CLCN3: variants seen among roughly 807,000 people sequenced by gnomAD.
CLCN3 encodes Cl-/H+ antiporter 3.
Under a neutral mutation model 83.4 loss-of-function variants are expected in CLCN3, and 16 were observed. The observed-to-expected ratio is 0.19, with a 90% CI of 0.13 to 0.29. CLCN3 has a LOEUF of 0.29. CLCN3 is among the 10% of genes least tolerant of loss of function. The probability of loss-of-function intolerance (pLI) is 1.00; values close to 1 mark genes in which losing one functional copy is unlikely to be tolerated. For missense variants in CLCN3, 544 were observed against 1,006.0 expected (o/e 0.54, Z 6.21); for synonymous variants, 322 against 346.2 (o/e 0.93, Z 0.78).
chr4:169,699,608 G>T (rs1381338559), intron 9 of CLCN3, among the ~76,000 whole-genome samples: 2 of 152,170 alleles, frequency 1.3e-5, no homozygotes, highest in African/African-American at 4.8e-5. Flanking sequence ...GCCTGGCCAG[G>T]CGCAGTGGCT....
intron 3 of CLCN3, among the ~76,000 whole-genome samples, chr4:169,686,021 T>C (rs916120932): frequency 5.9e-5 from 9 of 152,036 alleles, no homozygotes; most frequent in Admixed American, 1.3e-4. Flanking sequence ...ATGTCCTTTG[T>C]TGGGACATGG....
At chr4:169,651,880 T>C (rs983403764) in intron 2 of CLCN3, among the ~76,000 whole-genome samples, 25 of 152,220 alleles carry the variant, frequency 1.6e-4, no homozygotes, top group Middle Eastern at 3.4e-3. Context: ...TTAGAACACA[T>C]TGAAGTCAGT....
intron 9 of CLCN3, among the ~76,000 whole-genome samples, chr4:169,701,952 T>G (rs1732800472): frequency 6.6e-6 from 1 of 152,156 alleles, no homozygotes; most frequent in South Asian, 2.1e-4. Flanking sequence ...GTTGTATGCA[T>G]GCTTACCTGA....
chr4:169,669,104 T>C (rs1018686932), intron 2 of CLCN3, among the ~76,000 whole-genome samples: 5 of 152,174 alleles, frequency 3.3e-5, no homozygotes, highest in Admixed American at 3.3e-4. Flanking sequence ...TTCTATTACA[T>C]AAATAATAAA....
chr4:169,668,824 T>A (rs1731351959), intron 2 of CLCN3, among the ~76,000 whole-genome samples: 1 of 151,880 alleles, frequency 6.6e-6, no homozygotes, highest in Non-Finnish European at 1.5e-5. Context: ...TAGCAGAAAC[T>A]ATGGAATTAT....
chr4:169,626,223 A>G (rs1462127964), intron 1 of CLCN3, among the ~76,000 whole-genome samples: 3 of 152,252 alleles, frequency 2.0e-5, no homozygotes, highest in African/African-American at 7.2e-5. Context: ...TTCAAAGGAT[A>G]CAGATGAACA....
chr4:169,697,612 A>T lies in CLCN3; in HGVS notation c.1441A>T (p.Ser481Cys). Reference protein sequence around the residue: ...LCDYRNDMNASKIVDDIPDRP... With the variant: ...LCDYRNDMNACKIVDDIPDRP... ...TGACTACAGAAATGACATGAATGCC[A>T]GTAAAATTGTCGATGACATTCCTGA... is the stretch of plus-strand genomic sequence containing the variant. The change falls in exon 9 of 13, where the codon AGT becomes TGT. Residue 481 changes from serine (S) to cysteine (C), a missense_variant. Physicochemically the swap from Ser to Cys is moderately radical, Grantham distance 112. This residue lies in a region of CLCN3 where 194 missense variants were observed against 341.4 expected (regional missense o/e 0.57). Transcript: ENST00000513761. 1 of 1,614,208 alleles carries T rather than the reference A, an allele frequency of 6.2e-7. No homozygotes were observed. Among genetic ancestry groups the T allele is most frequent in the Non-Finnish European group, 8.5e-7 (1 of 1,180,010 alleles).
intron 11 of CLCN3, among the ~76,000 whole-genome samples, chr4:169,707,947 C>G (rs1474416557): frequency 1.3e-5 from 2 of 151,996 alleles, no homozygotes; most frequent in East Asian, 3.8e-4. Context: ...TTCTCTTTAC[C>G]TTATAGTCCC....
chr4:169,712,089 T>C (rs1456045200), intron 11 of CLCN3, among the ~76,000 whole-genome samples: 4 of 150,418 alleles, frequency 2.7e-5, no homozygotes, highest in Non-Finnish European at 3.0e-5. Flanking sequence ...TCTTGAACTT[T>C]AGGGCTCATG....
chr4:169,660,329 T>C, intron 2 of CLCN3: 1 of 1,372,718 alleles, frequency 7.3e-7, no homozygotes, highest in Non-Finnish European at 9.3e-7. Context: ...CTAGCAAGCT[T>C]TTTCTTTTTC....
chr4:169,625,520 G>A (rs749939674), intron 1 of CLCN3, among the ~76,000 whole-genome samples: 3 of 152,098 alleles, frequency 2.0e-5, no homozygotes, highest in Non-Finnish European at 2.9e-5. Context: ...CAGTTTTGGG[G>A]CTCAGGTCAG....
chr4:169,684,975 ATTT>A (rs34668119), intron 3 of CLCN3, among the ~76,000 whole-genome samples: 34 of 127,928 alleles, frequency 2.7e-4, no homozygotes, highest in Admixed American at 4.9e-4. Context: ...TGCCTGGCTA[ATTT>A]TTTTTTTTTT....
At chr4:169,677,415 T>C (rs1246141637) in intron 2 of CLCN3, among the ~76,000 whole-genome samples, 1 of 152,240 alleles carries the variant, frequency 6.6e-6, no homozygotes, top group Non-Finnish European at 1.5e-5. Flanking sequence ...TTTCTGCTAC[T>C]ATGGCAGAAT....
intron 1 of CLCN3, among the ~76,000 whole-genome samples, chr4:169,626,546 A>G (rs1773240026): frequency 1.3e-5 from 2 of 152,236 alleles, no homozygotes; most frequent in Non-Finnish European, 1.5e-5. Context: ...TCTAAAGGGA[A>G]GGTCTTATGA....
At chr4:169,668,053 T>G (rs1731315191) in intron 2 of CLCN3, among the ~76,000 whole-genome samples, 1 of 151,004 alleles carries the variant, frequency 6.6e-6, no homozygotes, top group Non-Finnish European at 1.5e-5. Context: ...ATTTTTTTTT[T>G]TTTTTTTTTT....
intron 9 of CLCN3, among the ~76,000 whole-genome samples, chr4:169,698,329 G>T (rs1484637653): frequency 1.3e-5 from 2 of 152,042 alleles, no homozygotes; most frequent in Admixed American, 1.3e-4. Context: ...TAGCACCTAG[G>T]CTAAAAAAAT....
At chr4:169,677,268 G>T (rs1472533788) in intron 2 of CLCN3, among the ~76,000 whole-genome samples, 1 of 152,002 alleles carries the variant, frequency 6.6e-6, no homozygotes, top group Non-Finnish European at 1.5e-5. Flanking sequence ...CAGTTGTAAA[G>T]TCTGCTGTAC....
intron 2 of CLCN3, among the ~76,000 whole-genome samples, chr4:169,676,381 A>G (rs1350647199): frequency 6.6e-6 from 1 of 152,120 alleles, no homozygotes; most frequent in Non-Finnish European, 1.5e-5. Context: ...TTATATTTTG[A>G]TAGGTATTTC....
intron 2 of CLCN3, among the ~76,000 whole-genome samples, chr4:169,665,329 G>A (rs915018400): frequency 6.6e-6 from 1 of 152,130 alleles, no homozygotes; most frequent in African/African-American, 2.4e-5. Flanking sequence ...TTGAGATTTG[G>A]CATTAACTTG....
Sources: allele counts gnomAD v4.1 joint callset (sites outside exome capture counted in the v4.1 genomes callset), GRCh38; gene constraint gnomAD v4.1.1; regional missense constraint gnomAD v4.1.1; transcripts MANE v1.5; gene names NCBI Gene and HGNC (gene_info 2026-07-23, HGNC 2026-07-21).